The following PRKG1 variants were observed in gnomAD, a reference collection of about 807,000 sequenced individuals.
PRKG1 encodes protein kinase cGMP-dependent 1.
Under a neutral mutation model 88.1 loss-of-function variants are expected in PRKG1, and 35 were observed. That is an observed-to-expected ratio of 0.40 (90% CI 0.30 to 0.53). The LOEUF (loss-of-function observed/expected upper bound fraction) is 0.53. PRKG1 is among the 20% of genes least tolerant of loss of function. PRKG1 has a pLI of 0.59. For missense variants in PRKG1, 540 were observed against 839.8 expected (o/e 0.64, Z 4.41); for synonymous variants, 303 against 292.5 (o/e 1.04, Z -0.37).
chr10:51,749,495 A>G (rs1036051095), intron 3 of PRKG1, among the ~76,000 whole-genome samples: 1 of 152,076 alleles, frequency 6.6e-6, no homozygotes, highest in Non-Finnish European at 1.5e-5. Context: ...AAGGCCATGA[A>G]ACCTATCAGA....
intron 7 of PRKG1, among the ~76,000 whole-genome samples, chr10:52,120,812 C>G (rs112818123): frequency 1.3e-5 from 2 of 152,052 alleles, no homozygotes; most frequent in East Asian, 3.9e-4. Flanking sequence ...GGCGGCTCTA[C>G]GGTTATGGCG....
chr10:51,941,454 A>AT lies in PRKG1; in HGVS notation c.762+33888dup, dbSNP rs997667768. 2.5e-4 allele frequency among the ~76,000 whole-genome samples: 38 copies of AT among 151,550 alleles called. 1 individual carries two copies. The highest frequency in any genetic ancestry group is 8.5e-4 in the African/African-American group (35 of 41,266). On this transcript the variant is annotated intron_variant, in intron 5 of 17. Coordinates refer to ENST00000373980, the MANE Select transcript of PRKG1 (RefSeq NM_006258.4). Reference sequence around the variant, plus strand: ...CGTGCTTATGTTTTTTTATTATTTTATTTTATTATTATTATACTTTAAGTT... The same window carrying AT: ...CGTGCTTATGTTTTTTTATTATTTTATTTTTATTATTATTATACTTTAAGTT...
chr10:51,230,398 A>G (rs1838812178), intron 2 of PRKG1, among the ~76,000 whole-genome samples: 1 of 152,328 alleles, frequency 6.6e-6, no homozygotes, highest in South Asian at 2.1e-4. Flanking sequence ...TACTTTTCAC[A>G]TTATACTTTT....
chr10:51,867,067 A>G (rs1841033064), intron 4 of PRKG1, among the ~76,000 whole-genome samples: 1 of 152,190 alleles, frequency 6.6e-6, no homozygotes, highest in Non-Finnish European at 1.5e-5. Context: ...AGAAAACCAT[A>G]CACCATACAC....
At chr10:51,420,049 C>T (rs945546391) in intron 2 of PRKG1, among the ~76,000 whole-genome samples, 11 of 152,002 alleles carry the variant, frequency 7.2e-5, no homozygotes, top group African/African-American at 1.2e-4. Flanking sequence ...GGGGGCAGGT[C>T]TGGAAGATAA....
At chr10:51,597,945 A>C (rs940198721) in intron 3 of PRKG1, among the ~76,000 whole-genome samples, 12 of 152,310 alleles carry the variant, frequency 7.9e-5, no homozygotes, top group African/African-American at 2.6e-4. Flanking sequence ...CAGTAAGATA[A>C]AGTTGATTTT....
intron 2 of PRKG1, among the ~76,000 whole-genome samples, chr10:51,306,235 G>T (rs1247629738): frequency 6.6e-6 from 1 of 152,104 alleles, no homozygotes; most frequent in Non-Finnish European, 1.5e-5. Context: ...GAGAGAATAT[G>T]GCATTTGTAC....
At chr10:51,022,718 G>T (rs1430033007) in intron 1 of PRKG1, among the ~76,000 whole-genome samples, 3 of 152,166 alleles carry the variant, frequency 2.0e-5, no homozygotes. Context: ...AGAAAAAAAA[G>T]ATCCTTGTCC....
chr10:51,974,806 G>C (rs1441147187), intron 5 of PRKG1, among the ~76,000 whole-genome samples: 2 of 151,970 alleles, frequency 1.3e-5, no homozygotes, highest in Non-Finnish European at 2.9e-5. Flanking sequence ...CTTTTTAATA[G>C]TCTCTCTGAT....
chr10:52,218,878 CATAAT>C (rs1840177194), intron 9 of PRKG1, among the ~76,000 whole-genome samples: 1 of 151,928 alleles, frequency 6.6e-6, no homozygotes, highest in Non-Finnish European at 1.5e-5. Context: ...ACTGTTTAAC[CATAAT>C]ATAATGTTAA....
chr10:51,461,203 C>CA (rs1353678134), intron 2 of PRKG1, among the ~76,000 whole-genome samples: 1 of 152,078 alleles, frequency 6.6e-6, no homozygotes, highest in Non-Finnish European at 1.5e-5. Flanking sequence ...TAAGGAGAAG[C>CA]AAAGATCTTC....
intron 2 of PRKG1, among the ~76,000 whole-genome samples, chr10:51,460,599 T>C (rs1839719569): frequency 6.6e-6 from 1 of 152,158 alleles, no homozygotes; most frequent in African/African-American, 2.4e-5. Flanking sequence ...TTGAAATCAG[T>C]CCACAAACAC....
intron 2 of PRKG1, among the ~76,000 whole-genome samples, chr10:51,203,954 G>A (rs1837977328): frequency 6.6e-6 from 1 of 152,164 alleles, no homozygotes; most frequent in Non-Finnish European, 1.5e-5. Context: ...GGTGATATAA[G>A]TGACAGTCTG....
intron 9 of PRKG1, among the ~76,000 whole-genome samples, chr10:52,183,973 A>G (rs1348473984): frequency 1.3e-5 from 2 of 152,108 alleles, no homozygotes; most frequent in Admixed American, 6.5e-5. Context: ...GGTCAATCCA[A>G]TGTGTGTAGA....
At chr10:51,269,036 A>G (rs1477569879) in intron 2 of PRKG1, among the ~76,000 whole-genome samples, 1 of 152,174 alleles carries the variant, frequency 6.6e-6, no homozygotes, top group East Asian at 1.9e-4. Context: ...AGGAAAAAAC[A>G]ATCCTATCAA....
intron 5 of PRKG1, among the ~76,000 whole-genome samples, chr10:51,966,922 G>C (rs553331859): frequency 2.6e-4 from 39 of 152,316 alleles, no homozygotes; most frequent in Admixed American, 1.7e-3. Flanking sequence ...AGGTGCTGGA[G>C]AGGATGTGGA....
intron 7 of PRKG1, among the ~76,000 whole-genome samples, chr10:52,087,469 T>C (rs1291088650): frequency 6.6e-6 from 1 of 152,208 alleles, no homozygotes; most frequent in African/African-American, 2.4e-5. Context: ...ATCTTTGACT[T>C]TGCTTGTGAT....
chr10:51,691,815 C>A (rs957704290), intron 3 of PRKG1, among the ~76,000 whole-genome samples: 4 of 152,142 alleles, frequency 2.6e-5, no homozygotes, highest in African/African-American at 9.7e-5. Flanking sequence ...ATTGACTGGT[C>A]AAATAAAACA....
intron 3 of PRKG1, among the ~76,000 whole-genome samples, chr10:51,670,287 T>G (rs976997828): frequency 1.3e-5 from 2 of 152,078 alleles, no homozygotes; most frequent in African/African-American, 4.8e-5. Flanking sequence ...TTAGAACTGT[T>G]ATGTTGAAGT....
Sources: allele counts gnomAD v4.1 joint callset (sites outside exome capture counted in the v4.1 genomes callset), GRCh38; gene constraint gnomAD v4.1.1; transcripts MANE v1.5; gene names NCBI Gene and HGNC (gene_info 2026-07-23, HGNC 2026-07-21).